Variants in TBC1D13 observed in about 807,000 individuals in gnomAD.
The protein encoded by TBC1D13 is epididymis secretory sperm binding protein.
TBC1D13 carries 40 observed loss-of-function variants against 53.6 expected under a neutral mutation model. The ratio of observed to expected loss-of-function variants is 0.75; its 90% CI spans 0.58 to 0.97. The LOEUF (loss-of-function observed/expected upper bound fraction) is 0.97. TBC1D13 is among the 50% of genes least tolerant of loss of function. The pLI, the probability that TBC1D13 is intolerant of heterozygous loss-of-function variation, is 0.00. For missense variants in TBC1D13, 377 were observed against 499.4 expected (o/e 0.75, Z 2.34); for synonymous variants, 182 against 197.7 (o/e 0.92, Z 0.67).
chr9:128,789,281 A>G (rs1257241222), intron 2 of TBC1D13, among the ~76,000 whole-genome samples: 1 of 124,758 alleles, frequency 8.0e-6, no homozygotes, highest in African/African-American at 3.1e-5. Context: ...GCGCCATTGC[A>G]CTCCAGCCTG....
intron 8 of TBC1D13, 22 bp downstream of exon 8, chr9:128,803,482 A>G (rs776152450): frequency 6.2e-7 from 1 of 1,610,460 alleles, no homozygotes; most frequent in South Asian, 1.1e-5. Context: ...CTTGGTGCCC[A>G]CATCCCTCGT....
At position 128,803,439 on chromosome 9, in the gene TBC1D13, G is replaced by A. The variant is rs201827435; in HGVS notation, c.733G>A (p.Asp245Asn). The change falls in exon 8 of 12, where the codon GAC becomes AAC. Residue 245 changes from aspartate (D) to asparagine (N), a missense_variant. Physicochemically the swap from Asp to Asn is conservative, Grantham distance 23. Transcript: ENST00000372648. The stretch of plus-strand genomic sequence containing the variant: ...GCCCCTCTACTACACCTTTGCCACC[G>A]ACCCCAATAGTGAGTGGAAAGGTAA... ...VGPLYYTFAT[D>N]PNSEWKEHAE... The A allele has an allele frequency of 1.2e-4, 187 of 1,614,076 alleles. No homozygotes were observed. In the Middle Eastern group the frequency reaches 2.0e-3, roughly 17 times the overall value.
chr9:128,795,433 C>T (rs991560334), intron 6 of TBC1D13, among the ~76,000 whole-genome samples: 1 of 118,842 alleles, frequency 8.4e-6, no homozygotes, highest in African/African-American at 3.1e-5. Context: ...AGGATGGTCA[C>T]CATCTTTTTT....
intron 11 of TBC1D13, among the ~76,000 whole-genome samples, chr9:128,806,624 G>A (rs1829839427): frequency 6.6e-6 from 1 of 152,176 alleles, no homozygotes; most frequent in Admixed American, 6.5e-5. Context: ...CAGGCCCGGG[G>A]AAGGAGGGTG....
chr9:128,798,272 G>A lies in TBC1D13; in HGVS notation c.543+1058G>A, dbSNP rs183858803. ...TGTCAAAAAAAAAAAGAAAAGAAGA[G>A]AACATTCCAGGTGGAGAGGAGGGCA... On this transcript the variant is annotated intron_variant, in intron 7 of 11. Transcript: ENST00000372648. Among the ~76,000 whole-genome samples the A allele has an allele frequency of 2.1e-3, 327 of 152,130 alleles. 3 individuals carry two copies. The highest frequency in any genetic ancestry group is 0.02 in the Middle Eastern group (6 of 294).
rs578051194 is a variant in TBC1D13, at chr9:128,792,128, G to A, written c.301-364G>A. Among the ~76,000 whole-genome samples the A allele has an allele frequency of 2.6e-5, 4 of 152,318 alleles. No individual in the cohort carries two copies. The East Asian group carries it at 7.7e-4, about 29-fold the overall frequency. On this transcript the variant is annotated intron_variant, in intron 5 of 11. Transcript: ENST00000372648. ...ATAGGAATTGACGACTCAGAGCATC[G>A]ATGAATGAGAGCCGAAGAAACCAAA...
rs765817656 is a variant in TBC1D13 at position 128,803,978 on chromosome 9, T to C, written c.777T>C (p.Phe259=). The change falls in exon 9 of 12, where the codon TTT becomes TTC. Residue 259 remains phenylalanine (F), a synonymous_variant. Coordinates refer to ENST00000372648, the MANE Select transcript of TBC1D13 (RefSeq NM_018201.5). ...CAGAGCACGCCGAGGCAGACACCTT[T>C]TTCTGCTTCACCAACCTCATGGCCG... ...EWKEHAEADT[F]FCFTNLMAEI... 9.9e-6 allele frequency: 16 copies of C among 1,613,414 alleles called. No homozygotes were observed. Among genetic ancestry groups the C allele is most frequent in the Middle Eastern group, 1.8e-4 (1 of 5,574 alleles).
intron 9 of TBC1D13, among the ~76,000 whole-genome samples, chr9:128,804,848 C>T (rs749705419): frequency 1.3e-5 from 2 of 151,228 alleles, no homozygotes; most frequent in Non-Finnish European, 2.9e-5. Context: ...CATGCCTCAG[C>T]CTCCCCAGTA....
chr9:128,790,764 C>T lies in TBC1D13; in HGVS notation c.127C>T (p.Leu43Phe). The change falls in exon 3 of 12, where the codon CTC (leucine) becomes TTC (phenylalanine). Residue 43 changes from leucine to phenylalanine, a missense_variant. Leu to Phe is a conservative substitution (Grantham distance 22). Coordinates refer to ENST00000372648, the MANE Select transcript of TBC1D13 (RefSeq NM_018201.5). ...GIPCEGGLRC[L>F]CWKILLNYLP... ...CCCCTGTGAGGGCGGACTGCGGTGCCTCTGCTGGAAGGTGGGTGTGCCTGG... is the reference window on the plus strand; with the variant it reads ...CCCCTGTGAGGGCGGACTGCGGTGCTTCTGCTGGAAGGTGGGTGTGCCTGG... 6.4e-7 allele frequency: 1 copy of T among 1,555,138 alleles called. No individual in the cohort carries two copies. The highest frequency in any genetic ancestry group is 8.6e-7 in the Non-Finnish European group (1 of 1,160,022).
At chr9:128,794,540 A>G (rs1465111675) in intron 6 of TBC1D13, among the ~76,000 whole-genome samples, 4 of 151,780 alleles carry the variant, frequency 2.6e-5, no homozygotes, top group African/African-American at 9.7e-5. Context: ...CAGTGGTGCA[A>G]TCTCGGCTCA....
At chr9:128,804,393 G>A (rs905309975) in intron 9 of TBC1D13, among the ~76,000 whole-genome samples, 3 of 152,144 alleles carry the variant, frequency 2.0e-5, no homozygotes, top group East Asian at 3.9e-4. Flanking sequence ...GTCTTCTGAG[G>A]TAAGTGTTAA....
chr9:128,788,446 C>T (rs1037280497), intron 2 of TBC1D13, 39 bp downstream of exon 2: 1 of 1,584,842 alleles, frequency 6.3e-7, no homozygotes, highest in Non-Finnish European at 8.7e-7. Flanking sequence ...TTCCCTACAG[C>T]AGCCCTGTGG....
intron 9 of TBC1D13, among the ~76,000 whole-genome samples, chr9:128,804,737 T>G (rs1362907824): frequency 7.3e-6 from 1 of 137,706 alleles, no homozygotes; most frequent in Admixed American, 7.4e-5. Flanking sequence ...TTTTTTTTTT[T>G]TTTTTTTTGA....
chr9:128,800,665 C>A (rs1425183726), intron 7 of TBC1D13, among the ~76,000 whole-genome samples: 5 of 152,036 alleles, frequency 3.3e-5, no homozygotes, highest in Admixed American at 6.6e-5. Context: ...GGCCTCCAAC[C>A]TTTTCTTATG....
chr9:128,787,414 C>T lies in TBC1D13; in HGVS notation c.23+38C>T, dbSNP rs368242996. ...GGGGCCTGACCCGGCTGGGCCACTC[C>T]TGGCCAGGCTGCCCCTTCTGCCCCT... On this transcript the variant is annotated intron_variant, in intron 1 of 11. Transcript: ENST00000372648. 2.3e-4 allele frequency: 291 copies of T among 1,251,130 alleles called. 1 individual carries two copies. The African/African-American group carries it at 4.3e-3, about 18-fold the overall frequency. The allele number at this position is 1,251,130 out of a possible 1,614,324, so 77.5% of individuals were successfully genotyped here. A position where few individuals can be genotyped will look rare whatever the true frequency, so the allele number is the denominator to read the frequency against.
rs577712511 is a variant in TBC1D13, at chr9:128,808,035, G to GCTC, written c.*159_*161dup. 355 of 675,074 alleles carry GCTC rather than the reference G, an allele frequency of 5.3e-4. 7 individuals carry two copies. In the South Asian group the frequency reaches 5.4e-3, roughly 10 times the overall value. 41.8% of individuals were successfully genotyped at this position (675,074 alleles called of 1,614,324 possible). Reference sequence around the variant, plus strand: ...GCCCACTGGGGACACACTGTGCCGTGCTCCTTCTGCCGCCACGCCCAGCTC... The same window carrying GCTC: ...GCCCACTGGGGACACACTGTGCCGTGCTCCTCCTTCTGCCGCCACGCCCAGCTC... On this transcript the variant is annotated 3_prime_UTR_variant, in exon 12 of 12. Coordinates refer to ENST00000372648, the MANE Select transcript of TBC1D13 (RefSeq NM_018201.5).
At chr9:128,803,866 C>T (rs901975088) in intron 8 of TBC1D13, 90 bp from the exon 9 acceptor site, 20 of 1,532,032 alleles carry the variant, frequency 1.3e-5, no homozygotes, top group Non-Finnish European at 1.4e-5. Context: ...GGCAACTCGG[C>T]GGGGCTCAGA....
intron 7 of TBC1D13, among the ~76,000 whole-genome samples, chr9:128,799,251 C>T (rs1829691108): frequency 6.6e-6 from 1 of 152,206 alleles, no homozygotes; most frequent in Admixed American, 6.5e-5. Context: ...GTGTAAAGAG[C>T]ACTGTTACCT....
intron 8 of TBC1D13, 144 bp downstream of exon 8, chr9:128,803,604 C>A: frequency 1.3e-6 from 1 of 768,956 alleles, no homozygotes; most frequent in Non-Finnish European, 2.1e-6. Context: ...CAGCTGTGAT[C>A]TTCTAGAATG....
Sources: gnomAD v4.1 joint callset for allele counts (sites outside exome capture counted in the v4.1 genomes callset) on GRCh38, gnomAD v4.1.1 for gene constraint, MANE v1.5 for transcripts, NCBI Gene and HGNC (gene_info 2026-07-23, HGNC 2026-07-21) for gene names.